Variants in CNTN1 observed in about 807,000 individuals in gnomAD.
CNTN1 encodes the protein contactin-1.
In CNTN1, 38 loss-of-function variants were observed where a neutral mutation model predicts 126.4. That is an observed-to-expected ratio of 0.30 (90% CI 0.23 to 0.39). The LOEUF (loss-of-function observed/expected upper bound fraction) is 0.39, where lower values mean the gene tolerates loss of function less well. Ranked by LOEUF, CNTN1 falls within the 10% of genes least tolerant of loss-of-function variation. The pLI is 1.00. For missense variants in CNTN1, 1,009 were observed against 1,248.4 expected, an observed-to-expected ratio of 0.81 and a Z score of 2.89; for synonymous variants, 413 against 422.6, an observed-to-expected ratio of 0.98 and a Z score of 0.28.
chr12:40,979,394 GAA>G (rs1409161793), intron 15 of CNTN1: 2 of 151,796 alleles, frequency 1.3e-5, no homozygotes, highest in African/African-American at 4.8e-5. Context: ...TTCTTATAAA[GAA>G]AAAGGCCATC....
At chr12:40,965,534 C>A (rs1361533469) in intron 15 of CNTN1, among the ~76,000 whole-genome samples, 1 of 152,104 alleles carries the variant, frequency 6.6e-6, no homozygotes, top group Admixed American at 6.6e-5. Context: ...TACTATCTGG[C>A]ATATGCTAAT....
At chr12:40,962,375 G>A (rs2137016610) in intron 15 of CNTN1, among the ~76,000 whole-genome samples, 1 of 152,124 alleles carries the variant, frequency 6.6e-6, no homozygotes, top group East Asian at 1.9e-4. Flanking sequence ...TTTATTCCTT[G>A]CCTTTTTATT....
chr12:41,034,139 G>A (rs1949205968), intron 23 of CNTN1, among the ~76,000 whole-genome samples: 1 of 152,156 alleles, frequency 6.6e-6, no homozygotes, highest in South Asian at 2.1e-4. Flanking sequence ...TTCTAAAAGA[G>A]CAAGGCATTT....
At chr12:40,714,583 C>T (rs1942002406) in intron 1 of CNTN1, among the ~76,000 whole-genome samples, 1 of 152,086 alleles carries the variant, frequency 6.6e-6, no homozygotes, top group Non-Finnish European at 1.5e-5. Context: ...AGCTTTCCTG[C>T]AGGCTTTCAT....
At chr12:40,961,629 G>A (rs1423315948) in intron 15 of CNTN1, among the ~76,000 whole-genome samples, 1 of 151,852 alleles carries the variant, frequency 6.6e-6, no homozygotes, top group Non-Finnish European at 1.5e-5. Context: ...ATTTTCCTGG[G>A]AAAATGATTT....
At chr12:40,779,396 G>C (rs895320618) in intron 1 of CNTN1, among the ~76,000 whole-genome samples, 3 of 151,708 alleles carry the variant, frequency 2.0e-5, no homozygotes, top group African/African-American at 7.3e-5. Context: ...TTCTACCAAG[G>C]ACACTTATAA....
chr12:40,965,998 C>CCA (rs57532764), intron 15 of CNTN1, among the ~76,000 whole-genome samples: 24,918 of 136,044 alleles, frequency 0.18, 2,177 homozygotes, highest in Non-Finnish European at 0.2. Context: ...CCTCATCACA[C>CCA]CACACACACA....
chr12:40,693,703 C>T (rs965809465), intron 1 of CNTN1, among the ~76,000 whole-genome samples: 2 of 152,138 alleles, frequency 1.3e-5, no homozygotes, highest in Admixed American at 1.3e-4. Flanking sequence ...ATATATAGCT[C>T]CTGCATACCC....
intron 1 of CNTN1, among the ~76,000 whole-genome samples, chr12:40,838,218 T>C (rs375107078): frequency 6.6e-6 from 1 of 152,076 alleles, no homozygotes; most frequent in African/African-American, 2.4e-5. Flanking sequence ...TGAAGTTGGC[T>C]CTAAACTCCC....
intron 1 of CNTN1, among the ~76,000 whole-genome samples, chr12:40,887,622 T>G (rs971560820): frequency 1.3e-5 from 2 of 151,952 alleles, no homozygotes; most frequent in Admixed American, 6.6e-5. Context: ...CTCAGGGATC[T>G]AGAACTAGAA....
chr12:40,811,961 A>T (rs1941081340), intron 1 of CNTN1, among the ~76,000 whole-genome samples: 1 of 133,768 alleles, frequency 7.5e-6, no homozygotes, highest in Admixed American at 7.4e-5. Flanking sequence ...TCTTTTTCTC[A>T]TTCCTTGAGA....
intron 15 of CNTN1, among the ~76,000 whole-genome samples, chr12:40,971,091 T>C (rs928628787): frequency 1.3e-5 from 2 of 152,192 alleles, no homozygotes; most frequent in African/African-American, 2.4e-5. Flanking sequence ...CATAACCATA[T>C]GTTTCAGTAG....
At chr12:40,927,495 C>T (rs1016751684) in intron 6 of CNTN1, among the ~76,000 whole-genome samples, 2 of 151,864 alleles carry the variant, frequency 1.3e-5, no homozygotes, top group Admixed American at 1.3e-4. Flanking sequence ...TGCTGTATGA[C>T]CTCAGGCAAG....
intron 1 of CNTN1, among the ~76,000 whole-genome samples, chr12:40,732,932 A>G (rs560268739): frequency 1.3e-5 from 2 of 152,168 alleles, no homozygotes; most frequent in East Asian, 3.9e-4. Flanking sequence ...GGGTTGGTGT[A>G]TATTTTAATT....
At chr12:41,060,971 A>G (rs1017813344) in intron 23 of CNTN1, among the ~76,000 whole-genome samples, 1 of 152,152 alleles carries the variant, frequency 6.6e-6, no homozygotes. Context: ...TAACCCCATT[A>G]TGTAAGTATT....
intron 1 of CNTN1, among the ~76,000 whole-genome samples, chr12:40,890,027 G>C (rs1011015582): frequency 1.3e-5 from 2 of 151,938 alleles, no homozygotes; most frequent in African/African-American, 4.8e-5. Context: ...AATACTATAT[G>C]GATATTATCA....
intron 1 of CNTN1, among the ~76,000 whole-genome samples, chr12:40,855,655 T>C (rs959836653): frequency 6.6e-6 from 1 of 152,094 alleles, no homozygotes; most frequent in Non-Finnish European, 1.5e-5. Context: ...CTTGAATAAA[T>C]CTATATAACT....
chr12:40,912,822 C>T (rs551887149), intron 3 of CNTN1, among the ~76,000 whole-genome samples: 14 of 152,234 alleles, frequency 9.2e-5, no homozygotes, highest in Non-Finnish European at 1.6e-4. Context: ...CAGTCAGTGA[C>T]CTGTCTCTAT....
chr12:40,850,925 T>C (rs1942693897), intron 1 of CNTN1, among the ~76,000 whole-genome samples: 1 of 152,212 alleles, frequency 6.6e-6, no homozygotes, highest in Non-Finnish European at 1.5e-5. Context: ...TTGTTTGGCA[T>C]TTTGAGGTTT....
Sources: allele counts gnomAD v4.1 joint callset (sites outside exome capture counted in the v4.1 genomes callset), GRCh38; gene constraint gnomAD v4.1.1; transcripts MANE v1.5; gene names NCBI Gene and HGNC (gene_info 2026-07-23, HGNC 2026-07-21).